Variants in SOX6 observed in about 807,000 individuals in gnomAD.
SOX6 encodes transcription factor SOX-6.
A neutral mutation model predicts 97.8 loss-of-function variants in SOX6; 11 were observed. The observed-to-expected ratio is 0.11, with a 90% CI of 0.07 to 0.19. The LOEUF is 0.19. Ranked by LOEUF, SOX6 falls within the 10% of genes least tolerant of loss-of-function variation. The pLI is 1.00. For synonymous variants in SOX6, 360 were observed against 371.4 expected (o/e 0.97, Z 0.35); for missense variants, 810 against 1,039.5 (o/e 0.78, Z 3.04).
chr11:16,111,483 G>T (rs1054684807), intron 7 of SOX6, among the ~76,000 whole-genome samples: 1 of 152,056 alleles, frequency 6.6e-6, no homozygotes, highest in Non-Finnish European at 1.5e-5. Flanking sequence ...AGGAGAAAAG[G>T]ATCTTTAACC....
intron 3 of SOX6, among the ~76,000 whole-genome samples, chr11:16,279,939 A>G (rs976058975): frequency 3.6e-4 from 55 of 152,264 alleles, no homozygotes; most frequent in African/African-American, 1.3e-3. Context: ...AGTTTTCTTA[A>G]GATAAATTAA....
intron 1 of SOX6, among the ~76,000 whole-genome samples, chr11:16,419,515 C>T (rs907717976): frequency 2.0e-5 from 3 of 148,824 alleles, no homozygotes; most frequent in Admixed American, 1.3e-4. Context: ...ACCTGAAAAC[C>T]ATAGTGAGAA....
chr11:16,105,672 T>A (rs1418988567), intron 7 of SOX6, among the ~76,000 whole-genome samples: 2 of 152,166 alleles, frequency 1.3e-5, no homozygotes, highest in Non-Finnish European at 2.9e-5. Context: ...TCACTTTCAC[T>A]GCTGCTATTC....
chr11:16,718,845 A>G (rs1392999), intron 2 of SOX6, among the ~76,000 whole-genome samples: 24,756 of 151,964 alleles, frequency 0.16, 2,671 homozygotes, highest in East Asian at 0.32. Context: ...ACATCCACAT[A>G]TATAGGCCAG....
intron 1 of SOX6, chr11:16,382,197 C>T (rs1180695111): frequency 1.3e-5 from 2 of 151,936 alleles, no homozygotes; most frequent in Non-Finnish European, 2.9e-5. Flanking sequence ...CAGAAAATAC[C>T]TTTGTCAAAT....
intron 9 of SOX6, among the ~76,000 whole-genome samples, chr11:16,064,425 G>A (rs1205504487): frequency 6.9e-6 from 1 of 145,346 alleles, no homozygotes; most frequent in African/African-American, 2.8e-5. Context: ...AATCCACCCC[G>A]GAAAGAAAGA....
chr11:16,722,782 A>G (rs924721962), intron 2 of SOX6, among the ~76,000 whole-genome samples: 2 of 152,230 alleles, frequency 1.3e-5, no homozygotes, highest in Admixed American at 6.5e-5. Flanking sequence ...AAGAGATACC[A>G]TCTCACACCA....
chr11:16,104,661 C>T (rs1291837129), intron 7 of SOX6, among the ~76,000 whole-genome samples: 1 of 151,754 alleles, frequency 6.6e-6, no homozygotes, highest in African/African-American at 2.4e-5. Flanking sequence ...CACACACACA[C>T]ACATACACAG....
chr11:16,438,059 T>C (rs1414076772), intron 1 of SOX6, among the ~76,000 whole-genome samples: 3 of 152,278 alleles, frequency 2.0e-5, no homozygotes, highest in East Asian at 3.9e-4. Flanking sequence ...AAGAAGGTTA[T>C]CAATGAGTTT....
chr11:16,338,895 T>C (rs1457186450), intron 2 of SOX6, among the ~76,000 whole-genome samples: 1 of 152,030 alleles, frequency 6.6e-6, no homozygotes, highest in East Asian at 1.9e-4. Context: ...CAAAGTAACT[T>C]GGCATTTATC....
At chr11:16,257,644 T>G (rs556917997) in intron 3 of SOX6, among the ~76,000 whole-genome samples, 1 of 152,014 alleles carries the variant, frequency 6.6e-6, no homozygotes, top group African/African-American at 2.4e-5. Context: ...ATCTTAGGTA[T>G]AGCAATAACT....
chr11:16,665,045 G>A (rs891462784), intron 3 of SOX6, among the ~76,000 whole-genome samples: 1 of 151,790 alleles, frequency 6.6e-6, no homozygotes, highest in Admixed American at 6.6e-5. Flanking sequence ...AATCAGCAGG[G>A]GTAACCAGAC....
At chr11:16,616,795 A>T (rs954691429) in intron 3 of SOX6, among the ~76,000 whole-genome samples, 9 of 151,934 alleles carry the variant, frequency 5.9e-5, no homozygotes, top group Non-Finnish European at 1.0e-4. Context: ...TAACCAACAA[A>T]TTGTATACAT....
intron 3 of SOX6, among the ~76,000 whole-genome samples, chr11:16,638,192 G>T (rs527485585): frequency 6.6e-6 from 1 of 151,890 alleles, no homozygotes; most frequent in African/African-American, 2.4e-5. Context: ...TGCTGAGAAT[G>T]ATGGTTTCCA....
chr11:16,425,477 A>C (rs1859107215), intron 1 of SOX6, among the ~76,000 whole-genome samples: 1 of 152,216 alleles, frequency 6.6e-6, no homozygotes, highest in Non-Finnish European at 1.5e-5. Context: ...GCAATCAGGC[A>C]AGAAAAAGAA....
chr11:16,184,883 A>G (rs1851430210), intron 5 of SOX6, among the ~76,000 whole-genome samples: 1 of 134,892 alleles, frequency 7.4e-6, no homozygotes, highest in African/African-American at 2.9e-5. Context: ...CCAGAGAGAA[A>G]AGCAGCCAGA....
intron 13 of SOX6, among the ~76,000 whole-genome samples, chr11:15,994,419 A>G (rs1241588858): frequency 4.7e-5 from 7 of 149,766 alleles, no homozygotes; most frequent in Admixed American, 2.0e-4. Context: ...GAAGCTGGCG[A>G]TGGCTTGGGT....
intron 1 of SOX6, among the ~76,000 whole-genome samples, chr11:16,393,518 T>C (rs1858250566): frequency 6.6e-6 from 1 of 152,104 alleles, no homozygotes; most frequent in African/African-American, 2.4e-5. Flanking sequence ...CATCTTCAGC[T>C]CATGTGACTT....
At chr11:16,630,626 T>G (rs1010149733) in intron 3 of SOX6, among the ~76,000 whole-genome samples, 4 of 151,976 alleles carry the variant, frequency 2.6e-5, no homozygotes, top group Admixed American at 6.6e-5. Context: ...GTGACAAGTT[T>G]AAGTCTAAAA....
Sources: allele counts gnomAD v4.1 joint callset (sites outside exome capture counted in the v4.1 genomes callset), GRCh38; gene constraint gnomAD v4.1.1; transcripts MANE v1.5; gene names NCBI Gene and HGNC (gene_info 2026-07-23, HGNC 2026-07-21).